The following COMMD10 variants were observed in gnomAD, a reference collection of about 807,000 sequenced individuals.
The protein encoded by COMMD10 is COMM domain containing 10, also known as COMM domain-containing protein 10.
A neutral mutation model predicts 28.9 loss-of-function variants in COMMD10; 33 were observed. The observed-to-expected ratio is 1.14, with a 90% confidence interval of 0.87 to 1.53. The LOEUF is 1.53. Among genes scored for constraint, COMMD10 ranks in the 40% most tolerant of loss-of-function variants. COMMD10 has a pLI of 0.00. For synonymous variants in COMMD10, 110 were observed against 81.7 expected (o/e 1.35, Z -1.87); for missense variants, 310 against 233.4 (o/e 1.33, Z -2.14).
intron 4 of COMMD10, among the ~76,000 whole-genome samples, chr5:116,129,775 CATT>C (rs1378176917): frequency 1.1e-5 from 1 of 91,388 alleles, no homozygotes; most frequent in African/African-American, 2.9e-5. Flanking sequence ...ATATAATATA[CATT>C]AGTATATATA....
At chr5:116,111,065 T>G (rs1751026916) in intron 4 of COMMD10, among the ~76,000 whole-genome samples, 1 of 152,202 alleles carries the variant, frequency 6.6e-6, no homozygotes, top group Admixed American at 6.5e-5. Flanking sequence ...TTTATGAACA[T>G]GTAGTTGTTC....
intron 5 of COMMD10, among the ~76,000 whole-genome samples, chr5:116,247,085 C>G (rs1561390504): frequency 6.6e-6 from 1 of 151,126 alleles, no homozygotes. Flanking sequence ...CAACAAAGGT[C>G]TAATATCTAG....
At chr5:116,101,673 C>T (rs1750665014) in intron 4 of COMMD10, among the ~76,000 whole-genome samples, 1 of 152,140 alleles carries the variant, frequency 6.6e-6, no homozygotes, top group African/African-American at 2.4e-5. Flanking sequence ...GATCCGCTTG[C>T]CTCAGCCTCC....
At chr5:116,196,748 TCA>T (rs10602544) in intron 5 of COMMD10, among the ~76,000 whole-genome samples, 47,256 of 151,788 alleles carry the variant, frequency 0.31, 10,126 homozygotes, top group African/African-American at 0.61. Context: ...GAATGGCTTT[TCA>T]CAGTCTATAT....
At chr5:116,280,128 G>A (rs927770772) in intron 5 of COMMD10, among the ~76,000 whole-genome samples, 2 of 151,802 alleles carry the variant, frequency 1.3e-5, no homozygotes, top group African/African-American at 2.4e-5. Flanking sequence ...TTAAATAAGA[G>A]GATTGGGCAA....
chr5:116,119,948 T>C (rs1751370663), intron 4 of COMMD10, among the ~76,000 whole-genome samples: 1 of 152,144 alleles, frequency 6.6e-6, no homozygotes, highest in South Asian at 2.1e-4. Flanking sequence ...TGTTTTATAA[T>C]TATAATTTGT....
At chr5:116,188,663 G>T (rs1748234264) in intron 5 of COMMD10, 1 of 133,024 alleles carries the variant, frequency 7.5e-6, no homozygotes, top group East Asian at 2.1e-4. Context: ...ACAAGGTCTG[G>T]CTCTATCATC....
chr5:116,276,352 A>C (rs1043999303), intron 5 of COMMD10, among the ~76,000 whole-genome samples: 2 of 151,654 alleles, frequency 1.3e-5, no homozygotes, highest in African/African-American at 2.4e-5. Flanking sequence ...TCCCAGGTTC[A>C]AGCAATTCTC....
At chr5:116,197,364 A>G (rs1046161588) in intron 5 of COMMD10, among the ~76,000 whole-genome samples, 2 of 152,058 alleles carry the variant, frequency 1.3e-5, no homozygotes, top group Non-Finnish European at 1.5e-5. Context: ...TTTCTTGCCA[A>G]ATTGTAAGTA....
chr5:116,215,355 A>C (rs1013805113), intron 5 of COMMD10, among the ~76,000 whole-genome samples: 1 of 152,062 alleles, frequency 6.6e-6, no homozygotes, highest in African/African-American at 2.4e-5. Flanking sequence ...AGTATGGTCA[A>C]ATTCATTTAG....
intron 5 of COMMD10, among the ~76,000 whole-genome samples, chr5:116,181,664 A>G (rs1449599403): frequency 6.6e-6 from 1 of 151,932 alleles, no homozygotes; most frequent in Non-Finnish European, 1.5e-5. Flanking sequence ...TCCAAGGACC[A>G]TACTTTGAGA....
At chr5:116,208,391 C>G (rs140036369) in intron 5 of COMMD10, among the ~76,000 whole-genome samples, 1 of 152,120 alleles carries the variant, frequency 6.6e-6, no homozygotes, top group African/African-American at 2.4e-5. Flanking sequence ...ATTTAACATC[C>G]CCTGTCTAGC....
At chr5:116,183,185 A>C (rs1307290842) in intron 5 of COMMD10, among the ~76,000 whole-genome samples, 1 of 152,144 alleles carries the variant, frequency 6.6e-6, no homozygotes, top group African/African-American at 2.4e-5. Flanking sequence ...CCTAGAAATA[A>C]ATTACCATGG....
intron 5 of COMMD10, among the ~76,000 whole-genome samples, chr5:116,170,160 G>A (rs1391699434): frequency 6.6e-6 from 1 of 152,124 alleles, no homozygotes; most frequent in African/African-American, 2.4e-5. Context: ...CAAAATCAGT[G>A]TGCACAAATC....
intron 4 of COMMD10, among the ~76,000 whole-genome samples, chr5:116,093,443 G>A (rs939399698): frequency 2.0e-5 from 3 of 152,206 alleles, no homozygotes; most frequent in African/African-American, 7.2e-5. Context: ...GTTGGGGTAA[G>A]TGAGAGATCC....
chr5:116,162,097 T>C (rs1580505782), intron 5 of COMMD10, among the ~76,000 whole-genome samples: 2 of 152,234 alleles, frequency 1.3e-5, no homozygotes, highest in African/African-American at 4.8e-5. Flanking sequence ...CAAGAAAATA[T>C]GAAAATTATA....
chr5:116,274,944 G>A (rs1182972048), intron 5 of COMMD10, among the ~76,000 whole-genome samples: 1 of 151,698 alleles, frequency 6.6e-6, no homozygotes, highest in African/African-American at 2.4e-5. Context: ...TAAATACTGA[G>A]TTTGTACATC....
rs191264973 is a variant in COMMD10, at chr5:116,120,389, T to C, written c.400-13679T>C. ...AAGATGAGGGATAAAAGACTACACA[T>C]TGGGTACAGTGTACACTGCTTCGGT... On this transcript the variant is annotated intron_variant, in intron 4 of 6. Transcript: ENST00000274458. Among the ~76,000 whole-genome samples the C allele has an allele frequency of 1.0e-3, 158 of 152,156 alleles. No homozygotes were observed. In the East Asian group the frequency reaches 0.012, roughly 12 times the overall value.
intron 5 of COMMD10, among the ~76,000 whole-genome samples, chr5:116,216,408 A>G (rs183643719): frequency 6.6e-6 from 1 of 152,354 alleles, no homozygotes; most frequent in South Asian, 2.1e-4. Context: ...TGATGTTGTC[A>G]TAGAGATAGT....
Sources: allele counts gnomAD v4.1 joint callset (sites outside exome capture counted in the v4.1 genomes callset), GRCh38; gene constraint gnomAD v4.1.1; transcripts MANE v1.5; gene names NCBI Gene and HGNC (gene_info 2026-07-23, HGNC 2026-07-21).